Variants in UROC1 observed in about 807,000 individuals in gnomAD.
The protein encoded by UROC1 is urocanate hydratase 1, also known as urocanate hydratase.
A neutral mutation model predicts 89.5 loss-of-function variants in UROC1; 79 were observed. The ratio of observed to expected loss-of-function variants is 0.88; its 90% CI spans 0.74 to 1.06. UROC1 has a LOEUF of 1.06. UROC1 is among the 50% of genes least tolerant of loss of function. The pLI, the probability that UROC1 is intolerant of heterozygous loss-of-function variation, is 0.00. For synonymous variants in UROC1, 361 were observed against 354.8 expected, an observed-to-expected ratio of 1.02 and a Z score of -0.20; for missense variants, 885 against 907.8, an observed-to-expected ratio of 0.97 and a Z score of 0.32.
Position 126,508,077 on chromosome 3 carries a change from A to T in UROC1, c.430T>A (p.Tyr144Asn). 6.2e-7 allele frequency: 1 copy of T among 1,613,976 alleles called. No homozygotes were observed. The highest frequency in any genetic ancestry group is 8.5e-7 in the Non-Finnish European group (1 of 1,180,020). The stretch of plus-strand genomic sequence containing the variant: ...TGCTCCTCTGTCATCTTCGACAAGT[A>T]GAACATGGTCAGCCAGAACTGGGGG... ...NWAQFWLTMF[Y>N]LSKMTEEQTL... is the part of the protein sequence containing the mutation. The change falls in exon 5 of 20, where the codon TAC becomes AAC. Residue 144 changes from tyrosine (Y) to asparagine (N), a missense_variant. By Grantham distance (143) the Tyr-to-Asn change is moderately radical (BLOSUM62 -2). Coordinates refer to ENST00000290868, the MANE Select transcript of UROC1 (RefSeq NM_144639.3).
chr3:126,509,392 T>C (rs1206068030), intron 3 of UROC1, among the ~76,000 whole-genome samples, 193 bp downstream of exon 3: 1 of 152,216 alleles, frequency 6.6e-6, no homozygotes, highest in Non-Finnish European at 1.5e-5. Flanking sequence ...TTCCTGGTTT[T>C]GAGGCTGTAC....
chr3:126,492,244 C>T (rs1458623059), intron 16 of UROC1, among the ~76,000 whole-genome samples, 174 bp downstream of exon 16: 1 of 152,200 alleles, frequency 6.6e-6, no homozygotes, highest in East Asian at 1.9e-4. Flanking sequence ...AGCTAAGCTC[C>T]CGGGAGGGGC....
At chr3:126,505,562 G>C in intron 8 of UROC1, 139 bp downstream of exon 8, 3 of 1,374,594 alleles carry the variant, frequency 2.2e-6, no homozygotes, top group Non-Finnish European at 2.0e-6. Flanking sequence ...GTGGGGCTTC[G>C]TGGAGGAGGC....
intron 13 of UROC1, 92 bp from the exon 14 acceptor site, chr3:126,498,264 T>C: frequency 6.2e-7 from 1 of 1,604,748 alleles, no homozygotes; most frequent in African/African-American, 1.3e-5. Context: ...GGGCTCAGCA[T>C]CCAGAAGTCA....
At chr3:126,488,605 A>G (rs571969391) in intron 17 of UROC1, among the ~76,000 whole-genome samples, 2 of 152,370 alleles carry the variant, frequency 1.3e-5, no homozygotes, top group East Asian at 3.9e-4. Flanking sequence ...AGAGTGCCAA[A>G]GAGAGTCACT....
Position 126,509,609 on chromosome 3 carries a change from G to A in UROC1, c.327C>T (p.Asn109=), listed in dbSNP as rs1362927908. The A allele has an allele frequency of 2.6e-6, 4 of 1,552,026 alleles. 1 individual carries two copies. The South Asian group carries it at 4.8e-5, about 18-fold the overall frequency. Residue 109 remains asparagine (N), a synonymous_variant, in exon 3 of 20, where the codon AAC becomes AAT. Coordinates refer to ENST00000290868, the MANE Select transcript of UROC1 (RefSeq NM_144639.3). ...VAAAIMHMIM[N]NLDPAVAQFP... is the part of the protein sequence containing the mutation. The stretch of plus-strand genomic sequence containing the variant: ...CCTGGGCCACGGCAGGATCCAGGTT[G>A]TTCATAATCATGTGCATGATGGCGG...
At chr3:126,498,730 T>A (rs961273163) in intron 13 of UROC1, among the ~76,000 whole-genome samples, 4 of 152,138 alleles carry the variant, frequency 2.6e-5, no homozygotes, top group Non-Finnish European at 5.9e-5. Flanking sequence ...ACAGTGAGCT[T>A]GACAGTAAGT....
chr3:126,494,275 C>G (rs1935724074), intron 15 of UROC1, among the ~76,000 whole-genome samples: 1 of 152,180 alleles, frequency 6.6e-6, no homozygotes, highest in South Asian at 2.1e-4. Context: ...GCAGACGCAC[C>G]CTGCTTGCAG....
In UROC1 at chr3:126,506,367, G is replaced by A. The variant is rs893032745; in HGVS notation, c.603-356C>T. Among the ~76,000 whole-genome samples the A allele has an allele frequency of 9.2e-5, 14 of 152,292 alleles. No individual in the cohort carries two copies. The South Asian group carries it at 1.0e-3, about 11-fold the overall frequency. On this transcript the variant is annotated intron_variant, in intron 6 of 19. Transcript: ENST00000290868. ...AGAGACACACACAAGGATGTTCACCGCAACTTTAGGCACAAGGGCCAAGAC... is the reference window on the plus strand; with the variant it reads ...AGAGACACACACAAGGATGTTCACCACAACTTTAGGCACAAGGGCCAAGAC...
chr3:126,482,477 C>A lies in UROC1; in HGVS notation c.1899G>T (p.Arg633=). The change falls in exon 20 of 20, where the codon CGG becomes CGT. Residue 633 remains arginine (R), a synonymous_variant. Coordinates refer to ENST00000290868, the MANE Select transcript of UROC1 (RefSeq NM_144639.3). ...LSWDVSNGVA[R]RCWSGNQKAY... ...CCTTCTGGTTCCCTGACCAGCAGCGCCGGGCCACCTAGGGCAAGGAGGGGG... is the reference window on the plus strand; with the variant it reads ...CCTTCTGGTTCCCTGACCAGCAGCGACGGGCCACCTAGGGCAAGGAGGGGG... The A allele has an allele frequency of 6.2e-7, 1 of 1,613,972 alleles. No homozygotes were observed. Among genetic ancestry groups the A allele is most frequent in the Non-Finnish European group, 8.5e-7 (1 of 1,180,014 alleles).
intron 1 of UROC1, among the ~76,000 whole-genome samples, chr3:126,513,301 G>T (rs1212467908): frequency 6.6e-6 from 1 of 152,214 alleles, no homozygotes; most frequent in Non-Finnish European, 1.5e-5. Context: ...CTATCCAAAT[G>T]GCTTGGCTTC....
chr3:126,508,368 C>T, intron 4 of UROC1, 48 bp downstream of exon 4: 2 of 1,590,812 alleles, frequency 1.3e-6, no homozygotes, highest in Non-Finnish European at 1.7e-6. Flanking sequence ...GAGGACCAGA[C>T]TAGAGGAAAG....
At chr3:126,496,344 C>G (rs1935777607) in intron 14 of UROC1, among the ~76,000 whole-genome samples, 2 of 152,112 alleles carry the variant, frequency 1.3e-5, no homozygotes, top group East Asian at 1.9e-4. Flanking sequence ...TGCACTCGGT[C>G]CCTCCACAAA....
At position 126,503,989 on chromosome 3, in the gene UROC1, C is replaced by G. The variant is rs1263405083; in HGVS notation, c.902+6G>C. On this transcript the variant is annotated splice_donor_region_variant and intron_variant, in intron 9 of 19. Coordinates refer to ENST00000290868, the MANE Select transcript of UROC1 (RefSeq NM_144639.3). ...CAGGTGTCCGGAGTTGAGCTTGGAG[C>G]TGTACCTGAGCCTCTGGATGCAGCG... 6.2e-7 allele frequency: 1 copy of G among 1,614,092 alleles called. No individual in the cohort carries two copies. Among genetic ancestry groups the G allele is most frequent in the Admixed American group, 1.7e-5 (1 of 60,032 alleles).
intron 3 of UROC1, among the ~76,000 whole-genome samples, 183 bp downstream of exon 3, chr3:126,509,402 C>T (rs1652659803): frequency 6.6e-6 from 1 of 152,126 alleles, no homozygotes. Flanking sequence ...TGAGGCTGTA[C>T]TATAGACACG....
chr3:126,517,202 G>A (rs1191482748), intron 1 of UROC1, among the ~76,000 whole-genome samples: 1 of 152,168 alleles, frequency 6.6e-6, no homozygotes, highest in Non-Finnish European at 1.5e-5. Flanking sequence ...AGAGATTTGC[G>A]GGAGGGACAT....
intron 8 of UROC1, 52 bp downstream of exon 8, chr3:126,505,637 AAGGGAGGGAGGG>A (rs55684916): frequency 5.0e-5 from 75 of 1,508,576 alleles, no homozygotes; most frequent in East Asian, 2.7e-4. Flanking sequence ...CGGGAGGAAG[AAGGGAGGGAGGG>A]AGGGAGGGAG....
chr3:126,497,946 C>T (rs1935819572), intron 14 of UROC1, 105 bp downstream of exon 14: 1 of 1,595,898 alleles, frequency 6.3e-7, no homozygotes, highest in African/African-American at 1.3e-5. Flanking sequence ...GCCCAGGTTC[C>T]CTCCCAGAAT....
chr3:126,513,638 C>T (rs1260131503), intron 1 of UROC1, among the ~76,000 whole-genome samples: 1 of 152,200 alleles, frequency 6.6e-6, no homozygotes, highest in East Asian at 1.9e-4. Flanking sequence ...GTACTTAGAA[C>T]AGCCCCTGGC....
Sources: gnomAD v4.1 joint callset for allele counts (sites outside exome capture counted in the v4.1 genomes callset) on GRCh38, gnomAD v4.1.1 for gene constraint, MANE v1.5 for transcripts, NCBI Gene and HGNC (gene_info 2026-07-23, HGNC 2026-07-21) for gene names.